Variants in RASGRF2 observed in about 807,000 individuals in gnomAD.
RASGRF2 encodes ras-specific guanine nucleotide-releasing factor 2.
A neutral mutation model predicts 151.0 loss-of-function variants in RASGRF2; 76 were observed. The observed-to-expected ratio is 0.50, with a 90% confidence interval of 0.42 to 0.61. The LOEUF is 0.61. Ranked by LOEUF, RASGRF2 falls within the 20% of genes least tolerant of loss-of-function variation. The pLI, the probability that RASGRF2 is intolerant of heterozygous loss-of-function variation, is 0.00. For synonymous variants in RASGRF2, 504 were observed against 566.5 expected (o/e 0.89, Z 1.57); for missense variants, 1,148 against 1,564.6 (o/e 0.73, Z 4.49).
At chr5:81,136,944 G>A (rs202050873) in intron 17 of RASGRF2, among the ~76,000 whole-genome samples, 2 of 149,606 alleles carry the variant, frequency 1.3e-5, no homozygotes, top group African/African-American at 4.9e-5. Context: ...GTTTTTTTAT[G>A]TCTAGCATTT....
intron 5 of RASGRF2, among the ~76,000 whole-genome samples, chr5:81,078,922 A>C (rs1752012112): frequency 6.6e-6 from 1 of 152,154 alleles, no homozygotes; most frequent in South Asian, 2.1e-4. Flanking sequence ...AGAGGTTAGG[A>C]AACCACTGCC....
chr5:81,154,166 T>C (rs1018662564), intron 17 of RASGRF2, among the ~76,000 whole-genome samples: 1 of 152,096 alleles, frequency 6.6e-6, no homozygotes, highest in Admixed American at 6.6e-5. Context: ...ATACAAAAAA[T>C]GAAAAGGATA....
At chr5:81,212,923 G>A (rs1320345797) in intron 23 of RASGRF2, among the ~76,000 whole-genome samples, 4 of 152,144 alleles carry the variant, frequency 2.6e-5, no homozygotes, top group Non-Finnish European at 5.9e-5. Flanking sequence ...GGGGCCAAAA[G>A]CCAGGGACAA....
chr5:81,008,189 C>T (rs1268294171), intron 1 of RASGRF2, among the ~76,000 whole-genome samples: 4 of 119,360 alleles, frequency 3.4e-5, no homozygotes, highest in Admixed American at 1.2e-4. Flanking sequence ...CTCGCTTCTT[C>T]GCCCAGGCTG....
intron 21 of RASGRF2, among the ~76,000 whole-genome samples, chr5:81,207,602 A>G (rs75746995): frequency 0.016 from 2,445 of 152,290 alleles, 46 homozygotes; most frequent in East Asian, 0.069. Flanking sequence ...AGTAATTTCG[A>G]GTGTTTTTAA....
rs10071111 is a variant in RASGRF2, at chr5:81,085,768, T to C, written c.1162-34T>C. The C allele has an allele frequency of 1.7e-4, 279 of 1,613,428 alleles. No individual in the cohort carries two copies. The African/African-American group carries it at 3.4e-3, about 20-fold the overall frequency. Reference sequence around the variant, plus strand: ...GCATGTGCCCTGTCACCCATCCTGATGTCTTGCTCATACTGGCCTCTGTTT... The same window carrying C: ...GCATGTGCCCTGTCACCCATCCTGACGTCTTGCTCATACTGGCCTCTGTTT... On this transcript the variant is annotated intron_variant, in intron 7 of 26. Coordinates refer to ENST00000265080, the MANE Select transcript of RASGRF2 (RefSeq NM_006909.3).
intron 2 of RASGRF2, among the ~76,000 whole-genome samples, chr5:81,064,915 G>A (rs1010301630): frequency 6.6e-6 from 1 of 152,146 alleles, no homozygotes. Context: ...AGTTAATATT[G>A]AGTTAATAAA....
Position 81,113,950 on chromosome 5 carries a change from C to T in RASGRF2, c.2470+30C>T, listed in dbSNP as rs753793648. 1.4e-5 allele frequency: 22 copies of T among 1,584,450 alleles called. No individual in the cohort carries two copies. The South Asian group carries it at 2.2e-4, about 16-fold the overall frequency. On this transcript the variant is annotated intron_variant, in intron 15 of 26. Transcript: ENST00000265080. Reference sequence around the variant, plus strand: ...TATCTAGCACATTTGCATAATTACACCCCACATTTGCTGGCCGCCTGCCTC... The same window carrying T: ...TATCTAGCACATTTGCATAATTACATCCCACATTTGCTGGCCGCCTGCCTC...
chr5:81,054,161 T>A (rs1284639413), intron 2 of RASGRF2, among the ~76,000 whole-genome samples: 2 of 152,270 alleles, frequency 1.3e-5, no homozygotes, highest in African/African-American at 4.8e-5. Context: ...TGGCTTTTGT[T>A]GCCATTGCTT....
chr5:81,215,194 C>T (rs1755708038), intron 23 of RASGRF2, among the ~76,000 whole-genome samples: 1 of 152,034 alleles, frequency 6.6e-6, no homozygotes, highest in Non-Finnish European at 1.5e-5. Context: ...CAAAAGTTAG[C>T]CGCATGTGGT....
intron 19 of RASGRF2, among the ~76,000 whole-genome samples, chr5:81,205,086 G>A (rs1473656400): frequency 1.3e-5 from 2 of 152,220 alleles, no homozygotes; most frequent in African/African-American, 4.8e-5. Context: ...AGGCTTTGGA[G>A]AAAGAGTTAG....
At chr5:81,145,219 A>G (rs1303955655) in intron 17 of RASGRF2, among the ~76,000 whole-genome samples, 1 of 152,096 alleles carries the variant, frequency 6.6e-6, no homozygotes, top group Non-Finnish European at 1.5e-5. Flanking sequence ...ACAAGAGTGA[A>G]ACTCTGTCTC....
intron 15 of RASGRF2, among the ~76,000 whole-genome samples, chr5:81,114,656 G>A (rs770099966): frequency 3.3e-5 from 5 of 152,118 alleles, no homozygotes; most frequent in African/African-American, 9.7e-5. Flanking sequence ...CTCCTGCCAC[G>A]CTCCCTCATC....
intron 22 of RASGRF2, 42 bp from the exon 23 acceptor site, chr5:81,212,324 G>C: frequency 6.7e-7 from 1 of 1,501,630 alleles, no homozygotes; most frequent in Admixed American, 1.9e-5. Flanking sequence ...TGCACTGCTT[G>C]GGGCTCTTAG....
At chr5:81,203,449 G>A (rs1580403737) in intron 19 of RASGRF2, among the ~76,000 whole-genome samples, 2 of 152,342 alleles carry the variant, frequency 1.3e-5, no homozygotes, top group East Asian at 1.9e-4. Flanking sequence ...GTCAGTTGGA[G>A]TTGGTTCTTA....
In RASGRF2 at chr5:81,113,920, G is replaced by A. The variant is rs1753078152; in HGVS notation, c.2470G>A (p.Ala824Thr). The A allele has an allele frequency of 6.2e-7, 1 of 1,610,804 alleles. No individual in the cohort carries two copies. Among genetic ancestry groups the A allele is most frequent in the Non-Finnish European group, 8.5e-7 (1 of 1,178,064 alleles). Residue 824 changes from alanine to threonine, a missense_variant and splice_region_variant, in exon 15 of 27, where the codon GCA becomes ACA. Ala to Thr is a moderately conservative substitution (Grantham distance 58). This residue lies in a region of RASGRF2 where 646 missense variants were observed against 807.4 expected (regional missense o/e 0.80). Coordinates refer to ENST00000265080, the MANE Select transcript of RASGRF2 (RefSeq NM_006909.3). ...CNKLKRSIQK[A>T]VLESAPADRA... ...CAAGCTAAAACGAAGTATTCAAAAA[G>A]GTATTATCTAGCACATTTGCATAAT...
intron 19 of RASGRF2, among the ~76,000 whole-genome samples, chr5:81,202,998 T>A (rs1374280588): frequency 6.6e-6 from 1 of 152,368 alleles, no homozygotes; most frequent in East Asian, 1.9e-4. Context: ...TTGTGGGATT[T>A]TATTAAGGCA....
chr5:81,007,055 AC>A (rs1452136465), intron 1 of RASGRF2, among the ~76,000 whole-genome samples: 1 of 152,066 alleles, frequency 6.6e-6, no homozygotes, highest in Non-Finnish European at 1.5e-5. Context: ...AACCATCTGT[AC>A]CTCATTGCGT....
rs950705423 is a variant in RASGRF2 at position 81,113,546 on chromosome 5, A to T, written c.2096A>T (p.Glu699Val). 1.9e-6 allele frequency: 3 copies of T among 1,609,122 alleles called. No individual in the cohort carries two copies. The highest frequency in any genetic ancestry group is 2.6e-6 in the Non-Finnish European group (3 of 1,175,930). Residue 699 changes from glutamate (E) to valine (V), a missense_variant, in exon 15 of 27, where the codon GAA (glutamate) becomes GTA (valine). By Grantham distance (121) the Glu-to-Val change is moderately radical. Transcript: ENST00000265080. ...PFTSIPVRSL[E>V]LFFATSQNNR... The stretch of plus-strand genomic sequence containing the variant: ...TTTGCTCTCATTTTTAGGTCATTGG[A>T]ATTGTTTTTTGCTACCAGCCAGAAC...
Sources: allele counts gnomAD v4.1 joint callset (sites outside exome capture counted in the v4.1 genomes callset), GRCh38; gene constraint gnomAD v4.1.1; regional missense constraint gnomAD v4.1.1; transcripts MANE v1.5; gene names NCBI Gene and HGNC (gene_info 2026-07-23, HGNC 2026-07-21).